The following SRGAP2 variants were observed in gnomAD, a reference collection of about 807,000 sequenced individuals.
SRGAP2 encodes SLIT-ROBO Rho GTPase activating protein 2.
In SRGAP2, 15 loss-of-function variants were observed where a neutral mutation model predicts 57.2. The ratio of observed to expected loss-of-function variants is 0.26; its 90% CI spans 0.18 to 0.40. The LOEUF (loss-of-function observed/expected upper bound fraction) is 0.40. SRGAP2 is among the 10% of genes least tolerant of loss of function. The probability of loss-of-function intolerance (pLI) is 1.00; values close to 1 mark genes in which losing one functional copy is unlikely to be tolerated. For synonymous variants in SRGAP2, 249 were observed against 248.0 expected, an observed-to-expected ratio of 1.00 and a Z score of -0.04; for missense variants, 520 against 669.6, an observed-to-expected ratio of 0.78 and a Z score of 2.47.
chr1:206,412,875 G>GCCTTTACCTTTCCATA (rs1159826311), intron 10 of SRGAP2, among the ~76,000 whole-genome samples: 1 of 152,192 alleles, frequency 6.6e-6, no homozygotes, highest in Non-Finnish European at 1.5e-5. Flanking sequence ...ACTCTGAGAT[G>GCCTTTACCTTTCCATA]CCTTTACCTT....
At chr1:206,436,680 A>G (rs1244701615) in intron 14 of SRGAP2, among the ~76,000 whole-genome samples, 8 of 152,202 alleles carry the variant, frequency 5.3e-5, no homozygotes, top group African/African-American at 1.9e-4. Flanking sequence ...TTTGCTTTAC[A>G]GATGGGAAAA....
At chr1:206,356,981 T>A (rs1676488601) in intron 4 of SRGAP2, among the ~76,000 whole-genome samples, 1 of 141,634 alleles carries the variant, frequency 7.1e-6, no homozygotes, top group East Asian at 2.0e-4. Context: ...AAACTTCCAG[T>A]TATAGATTAA....
At chr1:206,410,710 A>C (rs1234231648) in intron 10 of SRGAP2, among the ~76,000 whole-genome samples, 2 of 152,228 alleles carry the variant, frequency 1.3e-5, no homozygotes, top group Non-Finnish European at 2.9e-5. Context: ...GTTAGTCCCA[A>C]AAGATCTGCG....
intron 13 of SRGAP2, 47 bp from the exon 14 acceptor site, chr1:206,430,115 A>T (rs781913832): frequency 1.3e-6 from 1 of 780,014 alleles, no homozygotes; most frequent in East Asian, 2.4e-5. Flanking sequence ...ACCCTGGGCT[A>T]TCCCTGTTTG....
intron 20 of SRGAP2, chr1:206,453,588 A>G: frequency 3.2e-6 from 1 of 316,414 alleles, no homozygotes; most frequent in Non-Finnish European, 5.3e-6. Context: ...AAATCTCTCC[A>G]CTATCTGTGC....
chr1:206,418,910 G>C (rs967968733), intron 11 of SRGAP2, among the ~76,000 whole-genome samples: 25 of 151,704 alleles, frequency 1.6e-4, no homozygotes, highest in African/African-American at 3.1e-4. Context: ...GTGTGTGTGT[G>C]TGTGTGTGTG....
chr1:206,347,501 C>T (rs533448468), intron 4 of SRGAP2, among the ~76,000 whole-genome samples: 6 of 148,788 alleles, frequency 4.0e-5, no homozygotes, highest in Non-Finnish European at 5.9e-5. Context: ...CTCTTGAACC[C>T]GGGAAGTGGA....
At chr1:206,342,401 C>G (rs1553335445) in intron 3 of SRGAP2, among the ~76,000 whole-genome samples, 1 of 151,498 alleles carries the variant, frequency 6.6e-6, no homozygotes, top group African/African-American at 2.4e-5. Flanking sequence ...AACTGTTGTT[C>G]TAGTCCCTGG....
intron 5 of SRGAP2, among the ~76,000 whole-genome samples, chr1:206,391,014 A>G (rs1296506899): frequency 6.6e-6 from 1 of 152,154 alleles, no homozygotes; most frequent in Admixed American, 6.5e-5. Context: ...TTTCTAAGCT[A>G]GATTTTCTCA....
chr1:206,275,569 C>T (rs1364642107), intron 2 of SRGAP2, among the ~76,000 whole-genome samples: 5 of 131,486 alleles, frequency 3.8e-5, no homozygotes, highest in Admixed American at 3.7e-4. Context: ...ATATTCTTCC[C>T]TTCCAGGGGT....
At chr1:206,398,810 G>A (rs1305759753) in intron 7 of SRGAP2, among the ~76,000 whole-genome samples, 8 of 152,210 alleles carry the variant, frequency 5.3e-5, no homozygotes, top group African/African-American at 1.9e-4. Context: ...CAGGGTCACT[G>A]GAGTCTAGGA....
chr1:206,442,682 C>T (rs1662415490), intron 17 of SRGAP2, among the ~76,000 whole-genome samples: 1 of 152,064 alleles, frequency 6.6e-6, no homozygotes, highest in Non-Finnish European at 1.5e-5. Flanking sequence ...TTGATTTGCT[C>T]ATCAAAGTGT....
chr1:206,397,778 C>T (rs1657747012), intron 7 of SRGAP2, among the ~76,000 whole-genome samples: 1 of 136,888 alleles, frequency 7.3e-6, no homozygotes, highest in African/African-American at 3.1e-5. Flanking sequence ...AGGGCATTGT[C>T]CTCATGCATA....
chr1:206,444,755 G>A (rs1553373189), intron 17 of SRGAP2, among the ~76,000 whole-genome samples: 1 of 152,184 alleles, frequency 6.6e-6, no homozygotes, highest in African/African-American at 2.4e-5. Context: ...AGGATCCGGG[G>A]AAGGATTATA....
At chr1:206,267,931 A>G (rs1553315047) in intron 2 of SRGAP2, among the ~76,000 whole-genome samples, 2 of 151,446 alleles carry the variant, frequency 1.3e-5, no homozygotes, top group Admixed American at 6.6e-5. Flanking sequence ...ATGGATTTAT[A>G]TCTTCAAAAT....
At chr1:206,424,603 C>G (rs1553365631) in intron 13 of SRGAP2, among the ~76,000 whole-genome samples, 1 of 152,140 alleles carries the variant, frequency 6.6e-6, no homozygotes, top group South Asian at 2.1e-4. Context: ...TCCAGTGAGC[C>G]GAGATCATGC....
chr1:206,285,234 A>ATGCTGT (rs1400423911), intron 2 of SRGAP2, among the ~76,000 whole-genome samples: 1 of 150,096 alleles, frequency 6.7e-6, no homozygotes, highest in Non-Finnish European at 1.5e-5. Flanking sequence ...CATAGTAGAC[A>ATGCTGT]TGCTGTTGCT....
intron 4 of SRGAP2, among the ~76,000 whole-genome samples, chr1:206,373,013 CTTTCTTTCTTTCTTTT>C (rs1558359570): frequency 2.1e-5 from 2 of 96,626 alleles, no homozygotes; most frequent in African/African-American, 7.9e-5. Context: ...TTCTTTCTTT[CTTTCTTTCTTTCTTTT>C]CTTTCTCTCT....
rs1445951305 is a variant in SRGAP2 at position 206,276,787 on chromosome 1, ATCT to A, written c.68-26489_68-26487del. Among the ~76,000 whole-genome samples the A allele has an allele frequency of 1.8e-4, 27 of 152,084 alleles. 1 individual carries two copies. The highest frequency in any genetic ancestry group is 6.5e-5 in the Admixed American group (1 of 15,286). On this transcript the variant is annotated intron_variant, in intron 2 of 22. Coordinates refer to ENST00000573034, the MANE Select transcript of SRGAP2 (RefSeq NM_015326.5). ...AAACTGAGGAGTAGATGGATGAGGAATCTTCTTTTATTTTGTTTTTAGGGTGGT... is the reference window on the plus strand; with the variant it reads ...AAACTGAGGAGTAGATGGATGAGGAATCTTTTATTTTGTTTTTAGGGTGGT...
Sources: gnomAD v4.1 joint callset for allele counts (sites outside exome capture counted in the v4.1 genomes callset) on GRCh38, gnomAD v4.1.1 for gene constraint, MANE v1.5 for transcripts, NCBI Gene and HGNC (gene_info 2026-07-23, HGNC 2026-07-21) for gene names.